The following CSMD1 variants were observed in gnomAD, a reference collection of about 807,000 sequenced individuals.
The protein encoded by CSMD1 is CUB and Sushi multiple domains 1, also known as CUB and sushi domain-containing protein 1.
In CSMD1, 213 loss-of-function variants were observed where a neutral mutation model predicts 417.5. The ratio of observed to expected loss-of-function variants is 0.51; its 90% confidence interval spans 0.46 to 0.57. The LOEUF (loss-of-function observed/expected upper bound fraction) is 0.57, where lower values mean the gene tolerates loss of function less well. CSMD1 is among the 20% of genes least tolerant of loss of function. The pLI, the probability that CSMD1 is intolerant of heterozygous loss-of-function variation, is 0.00. For missense variants in CSMD1, 6,923 were observed against 4,529.7 expected, an observed-to-expected ratio of 1.53 and a Z score of -15.17; for synonymous variants, 2,862 against 1,736.8, an observed-to-expected ratio of 1.65 and a Z score of -16.11.
intron 12 of CSMD1, among the ~76,000 whole-genome samples, chr8:3,450,194 T>G (rs919187172): frequency 6.6e-6 from 1 of 152,202 alleles, no homozygotes. Context: ...CAGCCTCTGA[T>G]AAGATGGGCC....
intron 39 of CSMD1, among the ~76,000 whole-genome samples, chr8:3,157,656 G>C (rs1585507455): frequency 6.6e-6 from 1 of 152,356 alleles, no homozygotes; most frequent in East Asian, 1.9e-4. Context: ...TGAGCGGGCA[G>C]TCTTGCCTCT....
chr8:4,534,420 C>G (rs1370776167), intron 2 of CSMD1, among the ~76,000 whole-genome samples: 1 of 152,184 alleles, frequency 6.6e-6, no homozygotes, highest in African/African-American at 2.4e-5. Flanking sequence ...CACCTTTACT[C>G]TCTTGCCAGA....
At chr8:4,051,343 G>C (rs1461020974) in intron 3 of CSMD1, among the ~76,000 whole-genome samples, 1 of 150,236 alleles carries the variant, frequency 6.7e-6, no homozygotes, top group African/African-American at 2.5e-5. Context: ...AGTAAAGCCA[G>C]ACTCGGCAGC....
intron 3 of CSMD1, among the ~76,000 whole-genome samples, chr8:4,246,332 G>A (rs1249948144): frequency 2.0e-5 from 3 of 152,038 alleles, no homozygotes; most frequent in East Asian, 1.9e-4. Context: ...CTCCATCCAC[G>A]TCCTTGCAAA....
chr8:3,893,640 T>A (rs1289458427), intron 5 of CSMD1, among the ~76,000 whole-genome samples: 1 of 151,916 alleles, frequency 6.6e-6, no homozygotes, highest in Non-Finnish European at 1.5e-5. Context: ...TGTCTTGCTC[T>A]CAGTTAGGAG....
At chr8:4,987,491 T>C (rs796271855) in intron 1 of CSMD1, among the ~76,000 whole-genome samples, 4 of 152,338 alleles carry the variant, frequency 2.6e-5, no homozygotes, top group African/African-American at 9.6e-5. Flanking sequence ...GTTGTAGTTA[T>C]CTCTATCATA....
chr8:4,752,362 G>C (rs1004848271), intron 1 of CSMD1, among the ~76,000 whole-genome samples: 2 of 151,920 alleles, frequency 1.3e-5, no homozygotes, highest in East Asian at 3.9e-4. Context: ...TTATTCTCTT[G>C]AACAATAGAT....
In CSMD1 at chr8:3,207,464, C is replaced by T. The variant is rs189802224; in HGVS notation, c.4868-1844G>A. On this transcript the variant is annotated intron_variant, in intron 30 of 69. Transcript: ENST00000635120. The stretch of plus-strand genomic sequence containing the variant: ...GGCCACAATGGCAATTTTCAAGCCT[C>T]AAAGAATAAAGAAGTTAGAGATAAC... Among the ~76,000 whole-genome samples the T allele has an allele frequency of 2.7e-3, 418 of 152,062 alleles. 2 individuals are homozygous for T. The highest frequency in any genetic ancestry group is 9.9e-3 in the African/African-American group (409 of 41,484).
rs563467544 is a variant in CSMD1 at position 3,090,835 on chromosome 8, G to C, written c.7285+681C>G. 2.6e-5 allele frequency among the ~76,000 whole-genome samples: 4 copies of C among 152,164 alleles called. No individual in the cohort carries two copies. The South Asian group carries it at 8.3e-4, about 32-fold the overall frequency. ...GTCTGCCTACTGCTTCTGTAGGAAA[G>C]TTTAAAGAATAGTGTGGTCAGATCC... is the stretch of plus-strand genomic sequence containing the variant. On this transcript the variant is annotated intron_variant, in intron 48 of 69. Transcript: ENST00000635120.
chr8:4,172,553 T>C (rs934446121), intron 3 of CSMD1, among the ~76,000 whole-genome samples: 1 of 152,008 alleles, frequency 6.6e-6, no homozygotes, highest in Admixed American at 6.6e-5. Flanking sequence ...CAGTGGAAAG[T>C]GAGGCTCCAC....
At chr8:4,806,000 C>T (rs1406851017) in intron 1 of CSMD1, among the ~76,000 whole-genome samples, 4 of 152,132 alleles carry the variant, frequency 2.6e-5, no homozygotes, top group Non-Finnish European at 5.9e-5. Context: ...AAACTAAATA[C>T]TCAAAGAATT....
chr8:4,420,324 C>G (rs1040378073), intron 2 of CSMD1, among the ~76,000 whole-genome samples: 36 of 151,940 alleles, frequency 2.4e-4, no homozygotes, highest in African/African-American at 8.2e-4. Flanking sequence ...ATGCCATTGT[C>G]TTAAATGCTC....
chr8:4,469,467 A>G (rs910544234), intron 2 of CSMD1, among the ~76,000 whole-genome samples: 3 of 152,160 alleles, frequency 2.0e-5, no homozygotes, highest in African/African-American at 7.2e-5. Context: ...CATTTAGAGA[A>G]CCAATTCAGA....
chr8:4,534,920 G>C (rs1054610911), intron 2 of CSMD1, among the ~76,000 whole-genome samples: 1 of 152,058 alleles, frequency 6.6e-6, no homozygotes, highest in Non-Finnish European at 1.5e-5. Context: ...CTGCCACCAC[G>C]CCCGGCTTAT....
At chr8:4,455,929 CAAAAAAAAA>C (rs71207091) in intron 2 of CSMD1, among the ~76,000 whole-genome samples, 247 of 11,594 alleles carry the variant, frequency 0.021, no homozygotes, top group South Asian at 0.041. Flanking sequence ...ACTCCAACTC[CAAAAAAAAA>C]AAAAAAAAAA....
chr8:4,363,151 G>A (rs554630418), intron 3 of CSMD1, among the ~76,000 whole-genome samples: 7 of 152,342 alleles, frequency 4.6e-5, no homozygotes, highest in Admixed American at 3.9e-4. Flanking sequence ...GTGAGAGACA[G>A]TTTCAAACAT....
chr8:2,987,424 A>G (rs2128944765), intron 54 of CSMD1, among the ~76,000 whole-genome samples: 1 of 148,466 alleles, frequency 6.7e-6, no homozygotes, highest in African/African-American at 2.4e-5. Flanking sequence ...TAATATATAC[A>G]TAAATATATA....
intron 3 of CSMD1, among the ~76,000 whole-genome samples, chr8:4,407,500 CTG>C (rs1045847532): frequency 1.4e-4 from 22 of 152,214 alleles, no homozygotes; most frequent in Middle Eastern, 3.4e-3. Context: ...TCATTGTACT[CTG>C]TTGTATTTTT....
chr8:3,182,119 G>A (rs763692552), intron 36 of CSMD1, among the ~76,000 whole-genome samples: 1 of 152,034 alleles, frequency 6.6e-6, no homozygotes, highest in Non-Finnish European at 1.5e-5. Context: ...CTGTATAAAG[G>A]GAGAAATGAT....
Sources: allele counts gnomAD v4.1 joint callset (sites outside exome capture counted in the v4.1 genomes callset), GRCh38; gene constraint gnomAD v4.1.1; transcripts MANE v1.5; gene names NCBI Gene and HGNC (gene_info 2026-07-23, HGNC 2026-07-21).